The following LARGE1 variants were observed in gnomAD, a reference collection of about 807,000 sequenced individuals.
LARGE1 encodes LARGE xylosyl- and glucuronyltransferase 1.
Under a neutral mutation model 87.6 loss-of-function variants are expected in LARGE1, and 43 were observed. The ratio of observed to expected loss-of-function variants is 0.49; its 90% confidence interval spans 0.38 to 0.63. LARGE1 has a LOEUF of 0.63. LARGE1 is among the 30% of genes least tolerant of loss of function. The probability of loss-of-function intolerance (pLI) is 0.00; values close to 1 mark genes in which losing one functional copy is unlikely to be tolerated. For missense variants in LARGE1, 802 were observed against 1,000.2 expected (o/e 0.80, Z 2.67); for synonymous variants, 434 against 394.6 (o/e 1.10, Z -1.18).
chr22:33,218,620 T>C (rs142212747), intron 11 of LARGE1, among the ~76,000 whole-genome samples: 323 of 152,260 alleles, frequency 2.1e-3, no homozygotes, highest in Middle Eastern at 0.01. Flanking sequence ...AGAGCTAAAA[T>C]GTATTGGGTG....
chr22:33,483,650 C>T (rs1451937791), intron 6 of LARGE1, among the ~76,000 whole-genome samples: 1 of 152,152 alleles, frequency 6.6e-6, no homozygotes, highest in African/African-American at 2.4e-5. Context: ...TTAATGAATG[C>T]TAGTAATGAT....
At chr22:33,881,437 T>G (rs2146758674) in intron 1 of LARGE1, among the ~76,000 whole-genome samples, 1 of 152,306 alleles carries the variant, frequency 6.6e-6, no homozygotes, top group South Asian at 2.1e-4. Context: ...GAAAGGATTT[T>G]TGAGAAATGA....
chr22:33,756,863 G>A (rs916062547), intron 2 of LARGE1, among the ~76,000 whole-genome samples: 2 of 152,158 alleles, frequency 1.3e-5, no homozygotes, highest in African/African-American at 4.8e-5. Context: ...AACAACTGAC[G>A]CAGCTACAAG....
intron 7 of LARGE1, among the ~76,000 whole-genome samples, chr22:33,421,179 G>A (rs546380740): frequency 6.6e-6 from 1 of 151,886 alleles, no homozygotes; most frequent in East Asian, 1.9e-4. Flanking sequence ...GACAGAGTGA[G>A]CCTCTGTTTC....
chr22:33,231,084 T>A (rs1294175946), intron 11 of LARGE1, among the ~76,000 whole-genome samples: 2 of 149,950 alleles, frequency 1.3e-5, no homozygotes, highest in Non-Finnish European at 3.0e-5. Flanking sequence ...TGGTTGTTTG[T>A]TGGTTGATTT....
At chr22:33,403,308 C>T (rs2065987074) in intron 7 of LARGE1, among the ~76,000 whole-genome samples, 1 of 152,252 alleles carries the variant, frequency 6.6e-6, no homozygotes, top group East Asian at 1.9e-4. Flanking sequence ...TAACTTATTT[C>T]CTCTGGATCT....
At chr22:33,840,946 C>T (rs2063264454) in intron 1 of LARGE1, among the ~76,000 whole-genome samples, 1 of 152,152 alleles carries the variant, frequency 6.6e-6, no homozygotes, top group South Asian at 2.1e-4. Context: ...TATGATGATG[C>T]AAAAGCAATA....
At chr22:33,542,625 C>T (rs932370433) in intron 6 of LARGE1, among the ~76,000 whole-genome samples, 1 of 150,484 alleles carries the variant, frequency 6.6e-6, no homozygotes, top group Non-Finnish European at 1.5e-5. Flanking sequence ...GCAGGACTTA[C>T]TGGAAGATAA....
At chr22:33,176,873 C>T (rs894873232) in intron 11 of LARGE1, among the ~76,000 whole-genome samples, 6 of 152,122 alleles carry the variant, frequency 3.9e-5, no homozygotes, top group African/African-American at 1.4e-4. Context: ...TTTATTGTGG[C>T]ACTGTTCACA....
At chr22:33,695,958 A>G (rs940638510) in intron 2 of LARGE1, among the ~76,000 whole-genome samples, 29 of 152,158 alleles carry the variant, frequency 1.9e-4, no homozygotes, top group Non-Finnish European at 3.8e-4. Flanking sequence ...CCTGTCCCCA[A>G]ACTCGATCTA....
chr22:33,545,177 T>C (rs2283911), intron 6 of LARGE1, among the ~76,000 whole-genome samples: 105,959 of 151,894 alleles, frequency 0.7, 37,640 homozygotes, highest in African/African-American at 0.82. Flanking sequence ...TATTCCCTAC[T>C]TAATCTGCAA....
At chr22:33,244,656 A>G (rs1357277693) in intron 11 of LARGE1, among the ~76,000 whole-genome samples, 1 of 152,198 alleles carries the variant, frequency 6.6e-6, no homozygotes, top group African/African-American at 2.4e-5. Context: ...GCAGTTAGAA[A>G]TCAACTATGC....
intron 1 of LARGE1, among the ~76,000 whole-genome samples, chr22:33,818,176 G>A (rs2086712841): frequency 6.6e-6 from 1 of 152,158 alleles, no homozygotes; most frequent in African/African-American, 2.4e-5. Context: ...GGCTTCTTGA[G>A]ACTCACACCT....
rs777044437 is a variant in LARGE1, at chr22:33,274,602, G to A, written c.2096C>T (p.Pro699Leu). The A allele has an allele frequency of 6.2e-7, 1 of 1,614,136 alleles. No individual in the cohort carries two copies. The highest frequency in any genetic ancestry group is 8.5e-7 in the Non-Finnish European group (1 of 1,180,016). ...DVQEYEFIVL[P>L]NAYMIHMPHA... is the part of the protein sequence containing the mutation. ...AGGCATGTGGATCATGTAGGCGTTG[G>A]GCAGCACAATGAACTCATACTCCTG... The change falls in exon 15 of 15, where the codon CCC becomes CTC. Residue 699 changes from proline to leucine, a missense_variant. Coordinates refer to ENST00000397394, the MANE Select transcript of LARGE1 (RefSeq NM_133642.5).
chr22:33,231,186 A>C (rs1265494610), intron 11 of LARGE1, among the ~76,000 whole-genome samples: 2 of 152,244 alleles, frequency 1.3e-5, no homozygotes, highest in African/African-American at 4.8e-5. Flanking sequence ...TTATACCACA[A>C]GACTGTACAT....
chr22:33,082,245 T>A, the LARGE1 span, among the ~76,000 whole-genome samples: 4 of 152,174 alleles, frequency 2.6e-5, no homozygotes, highest in African/African-American at 9.7e-5. Flanking sequence ...TGAAATACAA[T>A]CCCTACACCA....
chr22:33,808,667 A>G lies in LARGE1; in HGVS notation c.-82-47109T>C, dbSNP rs1247252678. Among the ~76,000 whole-genome samples, 4 of 152,340 alleles carry G rather than the reference A, an allele frequency of 2.6e-5. No homozygotes were observed. The East Asian group carries it at 7.7e-4, about 29-fold the overall frequency. ...ACCACCCCACATGTGAGCCGGATCA[A>G]TTTCACAGTGACGAGTACACTGGAG... On this transcript the variant is annotated intron_variant, in intron 1 of 14. Coordinates refer to ENST00000397394, the MANE Select transcript of LARGE1 (RefSeq NM_133642.5).
intron 11 of LARGE1, among the ~76,000 whole-genome samples, chr22:33,206,583 A>T (rs949720674): frequency 7.9e-5 from 12 of 152,140 alleles, no homozygotes; most frequent in Non-Finnish European, 1.5e-4. Context: ...ATGACCAGCC[A>T]CCCAAGGACA....
At chr22:33,853,112 A>T (rs891318711) in intron 1 of LARGE1, among the ~76,000 whole-genome samples, 2 of 152,118 alleles carry the variant, frequency 1.3e-5, no homozygotes, top group African/African-American at 4.8e-5. Flanking sequence ...CCAAAGGGAA[A>T]TCAGCACCAT....
Sources: allele counts gnomAD v4.1 joint callset (sites outside exome capture counted in the v4.1 genomes callset), GRCh38; gene constraint gnomAD v4.1.1; transcripts MANE v1.5; gene names NCBI Gene and HGNC (gene_info 2026-07-23, HGNC 2026-07-21).